The following SH3RF3 variants were observed in gnomAD, a reference collection of about 807,000 sequenced individuals.
The protein encoded by SH3RF3 is E3 ubiquitin-protein ligase SH3RF3.
Under a neutral mutation model 66.3 loss-of-function variants are expected in SH3RF3, and 29 were observed. The ratio of observed to expected loss-of-function variants is 0.44; its 90% CI spans 0.33 to 0.60. SH3RF3 has a LOEUF of 0.60. Among genes scored for constraint, SH3RF3 ranks in the 20% least tolerant of loss-of-function variants. SH3RF3 has a pLI of 0.04. For missense variants in SH3RF3, 1,194 were observed against 1,190.9 expected (o/e 1.00, Z -0.04); for synonymous variants, 583 against 532.0 (o/e 1.10, Z -1.32).
At position 109,312,356 on chromosome 2, in the gene SH3RF3, TA is replaced by T. The variant is rs570201422; in HGVS notation, c.574-35317del. ...ATTCTAACAAGTTTAACGGGTTTTT[TA>T]TTGTGGTATAATACTTATAACATGA... On this transcript the variant is annotated intron_variant, in intron 1 of 9. Coordinates refer to ENST00000309415, the MANE Select transcript of SH3RF3 (RefSeq NM_001099289.3). Among the ~76,000 whole-genome samples, 55 of 152,334 alleles carry T rather than the reference TA, an allele frequency of 3.6e-4. No homozygotes were observed. In the South Asian group the frequency reaches 6.0e-3, roughly 17 times the overall value.
chr2:109,361,768 G>A (rs559280774), intron 2 of SH3RF3, among the ~76,000 whole-genome samples: 6 of 152,230 alleles, frequency 3.9e-5, no homozygotes, highest in Non-Finnish European at 1.5e-5. Context: ...ATAGATAAAG[G>A]CCTATTGAAT....
In SH3RF3 at chr2:109,428,076, G is replaced by A. The variant is rs10196907; in HGVS notation, c.1404-4425G>A. On this transcript the variant is annotated intron_variant, in intron 5 of 9. Transcript: ENST00000309415. ...CAGCCCCTGACAGCACTCCTGCTGT[G>A]GGTCTTCCCTGCAGAGTGGGTGCTG... 3.5e-3 allele frequency among the ~76,000 whole-genome samples: 535 copies of A among 152,336 alleles called. 3 individuals are homozygous for A. Among genetic ancestry groups the A allele is most frequent in the African/African-American group, 0.012 (514 of 41,590 alleles).
At chr2:109,311,673 C>G (rs967061293) in intron 1 of SH3RF3, among the ~76,000 whole-genome samples, 2 of 152,336 alleles carry the variant, frequency 1.3e-5, no homozygotes, top group Middle Eastern at 3.4e-3. Flanking sequence ...GAGACCCAGT[C>G]TGTGGACATG....
chr2:109,468,090 T>C (rs972691208), intron 8 of SH3RF3, among the ~76,000 whole-genome samples: 2 of 152,232 alleles, frequency 1.3e-5, no homozygotes, highest in Admixed American at 6.5e-5. Flanking sequence ...GATACGGTCA[T>C]GTGTCACTTA....
chr2:109,344,976 G>A (rs1268019867), intron 1 of SH3RF3, among the ~76,000 whole-genome samples: 1 of 152,180 alleles, frequency 6.6e-6, no homozygotes, highest in Non-Finnish European at 1.5e-5. Context: ...GCTGGGGTCT[G>A]CATCAGTGAA....
chr2:109,388,447 C>T (rs758543028), intron 3 of SH3RF3, among the ~76,000 whole-genome samples: 6 of 152,194 alleles, frequency 3.9e-5, no homozygotes, highest in Non-Finnish European at 8.8e-5. Flanking sequence ...GAGGCTTGGA[C>T]TCATGCAAGA....
rs755582481 is a variant in SH3RF3 at position 109,233,477 on chromosome 2, G to T, written c.573+103364G>T. 2.6e-5 allele frequency among the ~76,000 whole-genome samples: 4 copies of T among 152,338 alleles called. No homozygotes were observed. The East Asian group carries it at 7.7e-4, about 29-fold the overall frequency. ...ACTGCTCTACTTCTCTGCCAGTGCA[G>T]TTTGGGGGTTTTATAGGTACAGGAT... On this transcript the variant is annotated intron_variant, in intron 1 of 9. Transcript: ENST00000309415.
At chr2:109,353,875 C>T (rs576251758) in intron 2 of SH3RF3, among the ~76,000 whole-genome samples, 1 of 152,126 alleles carries the variant, frequency 6.6e-6, no homozygotes, top group Non-Finnish European at 1.5e-5. Context: ...GCAGGTTCCC[C>T]TCAGCCCTCA....
At chr2:109,219,249 G>A (rs1487532576) in intron 1 of SH3RF3, among the ~76,000 whole-genome samples, 4 of 152,054 alleles carry the variant, frequency 2.6e-5, no homozygotes, top group Admixed American at 1.3e-4. Context: ...TCAGACTACC[G>A]TTTTTGCTCA....
intron 1 of SH3RF3, among the ~76,000 whole-genome samples, chr2:109,146,032 C>G (rs531996019): frequency 6.6e-6 from 1 of 152,074 alleles, no homozygotes; most frequent in Non-Finnish European, 1.5e-5. Context: ...TGTGGGCCGA[C>G]GGAGTCCATG....
chr2:109,180,664 G>C (rs865975669), intron 1 of SH3RF3, among the ~76,000 whole-genome samples: 13 of 152,278 alleles, frequency 8.5e-5, no homozygotes, highest in South Asian at 4.1e-4. Context: ...GGCTCTCTTT[G>C]TCTGATGTCC....
chr2:109,196,795 G>A (rs910437151), intron 1 of SH3RF3, among the ~76,000 whole-genome samples: 4 of 152,182 alleles, frequency 2.6e-5, no homozygotes, highest in African/African-American at 7.2e-5. Flanking sequence ...GGCGCCAATA[G>A]CATACGGTCT....
intron 1 of SH3RF3, among the ~76,000 whole-genome samples, chr2:109,156,938 T>G (rs924530794): frequency 6.6e-6 from 1 of 152,234 alleles, no homozygotes; most frequent in African/African-American, 2.4e-5. Context: ...ATACTATTTC[T>G]TATTTAAAGA....
At chr2:109,191,570 T>C (rs944328107) in intron 1 of SH3RF3, among the ~76,000 whole-genome samples, 3 of 152,190 alleles carry the variant, frequency 2.0e-5, no homozygotes, top group African/African-American at 7.2e-5. Context: ...CCTCCCACAT[T>C]ATGTGACTTG....
intron 8 of SH3RF3, among the ~76,000 whole-genome samples, chr2:109,467,319 C>T (rs1169729959): frequency 5.9e-5 from 9 of 152,256 alleles, no homozygotes; most frequent in African/African-American, 1.7e-4. Context: ...AAGAAACCAG[C>T]TGCTGATACA....
At position 109,398,829 on chromosome 2, in the gene SH3RF3, C is replaced by T; in HGVS notation, c.1185C>T (p.Ala395=). The change falls in exon 4 of 10, where the codon GCC becomes GCT. Residue 395 remains alanine (A), a synonymous_variant. Transcript: ENST00000309415. ...LSVTHRSSQA[A]SHRHSMEISA... ...TGACGCACAGATCCTCCCAGGCTGC[C>T]AGCCACAGGCATTCCATGGAAATTA... 1 of 1,613,928 alleles carries T rather than the reference C, an allele frequency of 6.2e-7. No homozygotes were observed. The highest frequency in any genetic ancestry group is 1.1e-5 in the South Asian group (1 of 91,034).
intron 7 of SH3RF3, among the ~76,000 whole-genome samples, chr2:109,440,913 C>A (rs1291917552): frequency 1.3e-5 from 2 of 152,094 alleles, no homozygotes; most frequent in Non-Finnish European, 2.9e-5. Context: ...AGAATACACA[C>A]CAGCTGGAAA....
chr2:109,250,170 C>A (rs1680051944), intron 1 of SH3RF3, among the ~76,000 whole-genome samples: 1 of 150,598 alleles, frequency 6.6e-6, no homozygotes, highest in Non-Finnish European at 1.5e-5. Context: ...GGTTTTTCTC[C>A]ACTCCTAGGA....
At chr2:109,160,061 C>A (rs1014979107) in intron 1 of SH3RF3, among the ~76,000 whole-genome samples, 3 of 152,214 alleles carry the variant, frequency 2.0e-5, no homozygotes, top group Non-Finnish European at 1.5e-5. Context: ...TGAAACCAGT[C>A]CTTGGTGCCA....
Sources: gnomAD v4.1 joint callset for allele counts (sites outside exome capture counted in the v4.1 genomes callset) on GRCh38, gnomAD v4.1.1 for gene constraint, MANE v1.5 for transcripts, NCBI Gene and HGNC (gene_info 2026-07-23, HGNC 2026-07-21) for gene names.